Variants in CCR8 observed in about 807,000 individuals in gnomAD.
CCR8 encodes C-C motif chemokine receptor 8, also known as C-C chemokine receptor type 8.
For missense variants in CCR8, 358 were observed against 417.5 expected, an observed-to-expected ratio of 0.86 and a Z score of 1.24; for synonymous variants, 156 against 165.7, an observed-to-expected ratio of 0.94 and a Z score of 0.45.
Position 39,333,285 on chromosome 3 carries a change from T to C in CCR8, c.954T>C (p.Ser318=). 2.5e-6 allele frequency: 4 copies of C among 1,614,134 alleles called. No individual in the cohort carries two copies. The highest frequency in any genetic ancestry group is 3.4e-6 in the Non-Finnish European group (4 of 1,180,000). The part of the protein sequence containing the change: ...KKHLSEIFQK[S]CSQIFNYLGR... ...ACCTCTCAGAAATATTTCAGAAAAG[T>C]TGCAGCCAAATCTTCAACTACCTAG... The change falls in exon 2 of 2, where the codon AGT becomes AGC. Residue 318 remains serine, a synonymous_variant. Transcript: ENST00000326306.
chr3:39,333,632 G>T lies in CCR8; in HGVS notation c.*233G>T. The T allele has an allele frequency of 1.9e-6, 1 of 514,862 alleles. No individual in the cohort carries two copies. Among genetic ancestry groups the T allele is most frequent in the Non-Finnish European group, 3.5e-6 (1 of 283,782 alleles). 31.9% of individuals were successfully genotyped at this position (514,862 alleles called of 1,614,324 possible). A position where few individuals can be genotyped will look rare whatever the true frequency, so the allele number is the denominator to read the frequency against. ...TGTTGAACAAGTGGTAACTTTAAAG[G>T]ATTCTGTATGCCAAGTGAAAAAAAA... On this transcript the variant is annotated 3_prime_UTR_variant, in exon 2 of 2. Coordinates refer to ENST00000326306, the MANE Select transcript of CCR8 (RefSeq NM_005201.4).
At chr3:39,331,669 T>C (rs528819548) in intron 1 of CCR8, among the ~76,000 whole-genome samples, 172 of 151,854 alleles carry the variant, frequency 1.1e-3, no homozygotes, top group African/African-American at 4.0e-3. Flanking sequence ...GGTTTTGCAC[T>C]GTTGGCCAGG....
Position 39,332,910 on chromosome 3 carries a change from G to C in CCR8, c.579G>C (p.Lys193Asn), listed in dbSNP as rs1213930066. ...CYSFYNQQTL[K>N]WKIFTNFKMN... ...CATTTTACAATCAACAGACTTTGAA[G>C]TGGAAGATCTTCACCAACTTCAAAA... The change falls in exon 2 of 2, where the codon AAG (lysine) becomes AAC (asparagine). Residue 193 changes from lysine (K) to asparagine (N), a missense_variant. Lys to Asn is a moderately conservative substitution (Grantham distance 94). Coordinates refer to ENST00000326306, the MANE Select transcript of CCR8 (RefSeq NM_005201.4). 1 of 1,614,122 alleles carries C rather than the reference G, an allele frequency of 6.2e-7. No individual in the cohort carries two copies.
At chr3:39,331,370 C>G (rs1417331986) in intron 1 of CCR8, among the ~76,000 whole-genome samples, 1 of 152,204 alleles carries the variant, frequency 6.6e-6, no homozygotes, top group Non-Finnish European at 1.5e-5. Context: ...ATGGTCTTTA[C>G]TCCATGCACA....
At chr3:39,331,694 C>T (rs2041256820) in intron 1 of CCR8, among the ~76,000 whole-genome samples, 1 of 151,200 alleles carries the variant, frequency 6.6e-6, no homozygotes, top group Admixed American at 6.6e-5. Flanking sequence ...TCTCGAACTC[C>T]TGGCCTCAAG....
rs2041273205 is a variant in CCR8 at position 39,333,514 on chromosome 3, A to G, written c.*115A>G. ...AAAAGTTCAGCATGAAGGATGCCAT[A>G]TATGTTGTTGCCAACACTTGGAACA... On this transcript the variant is annotated 3_prime_UTR_variant, in exon 2 of 2. Transcript: ENST00000326306. The G allele has an allele frequency of 1.4e-6, 1 of 726,678 alleles. No individual in the cohort carries two copies. Among genetic ancestry groups the G allele is most frequent in the African/African-American group, 1.8e-5 (1 of 55,940 alleles). 45.0% of individuals were successfully genotyped at this position (726,678 alleles called of 1,614,324 possible).
rs146112467 is a variant in CCR8 at position 39,330,202 on chromosome 3, T to C, written c.-15+373T>C. Among the ~76,000 whole-genome samples, 317 of 152,272 alleles carry C rather than the reference T, an allele frequency of 2.1e-3. 1 individual carries two copies. The highest frequency in any genetic ancestry group is 3.2e-3 in the Non-Finnish European group (219 of 68,022). On this transcript the variant is annotated intron_variant, in intron 1 of 1. Coordinates refer to ENST00000326306, the MANE Select transcript of CCR8 (RefSeq NM_005201.4). ...ACTGAAGGACACCTGGGTGCTGTTC[T>C]TAAGGAAAGAAGCCAGCGAGCAAAC...
Position 39,332,435 on chromosome 3 carries a change from A to T in CCR8, c.104A>T (p.Lys35Met). The change falls in exon 2 of 2, where the codon AAG becomes ATG. Residue 35 changes from lysine to methionine, a missense_variant. By Grantham distance (95) the Lys-to-Met change is moderately conservative. Transcript: ENST00000326306. ...GCGGAACTTATTCAGACAAATGGCA[A>T]GTTGCTCCTTGCTGTCTTTTATTGC... ...CDAELIQTNG[K>M]LLLAVFYCLL... The T allele has an allele frequency of 6.2e-7, 1 of 1,614,050 alleles. No individual in the cohort carries two copies.
In CCR8 at chr3:39,333,333, C is replaced by T. The variant is rs748405129; in HGVS notation, c.1002C>T (p.Ser334=). 6.2e-6 allele frequency: 10 copies of T among 1,614,014 alleles called. No homozygotes were observed. Among genetic ancestry groups the T allele is most frequent in the Non-Finnish European group, 7.6e-6 (9 of 1,179,960 alleles). The change falls in exon 2 of 2, where the codon AGC becomes AGT. Residue 334 remains serine (S), a synonymous_variant. Transcript: ENST00000326306. ...TAGGAAGACAAATGCCTAGGGAGAGCTGTGAAAAGTCATCATCCTGCCAGC... is the reference window on the plus strand; with the variant it reads ...TAGGAAGACAAATGCCTAGGGAGAGTTGTGAAAAGTCATCATCCTGCCAGC... ...NYLGRQMPRE[S]CEKSSSCQQH...
At chr3:39,330,358 C>A (rs577964974) in intron 1 of CCR8, among the ~76,000 whole-genome samples, 1 of 152,148 alleles carries the variant, frequency 6.6e-6, no homozygotes, top group Non-Finnish European at 1.5e-5. Context: ...AACTACTGTA[C>A]TCCAGCTTGG....
At chr3:39,330,528 T>G (rs1245120466) in intron 1 of CCR8, among the ~76,000 whole-genome samples, 1 of 152,240 alleles carries the variant, frequency 6.6e-6, no homozygotes, top group Non-Finnish European at 1.5e-5. Context: ...TTGCATTGAA[T>G]GTATATATCA....
Position 39,333,604 on chromosome 3 carries a change from T to A in CCR8, c.*205T>A, listed in dbSNP as rs552601424. On this transcript the variant is annotated 3_prime_UTR_variant, in exon 2 of 2. Coordinates refer to ENST00000326306, the MANE Select transcript of CCR8 (RefSeq NM_005201.4). Reference sequence around the variant, plus strand: ...TCAAGCCTGTGATTGTGTTTATTGATGATGTTGAACAAGTGGTAACTTTAA... The same window carrying A: ...TCAAGCCTGTGATTGTGTTTATTGAAGATGTTGAACAAGTGGTAACTTTAA... 28 of 574,190 alleles carry A rather than the reference T, an allele frequency of 4.9e-5. No individual in the cohort carries two copies. The South Asian group carries it at 6.5e-4, about 13-fold the overall frequency. The allele number at this position is 574,190 out of a possible 1,614,324, so 35.6% of individuals were successfully genotyped here.
chr3:39,332,197 G>T lies in CCR8; in HGVS notation c.-14-121G>T, dbSNP rs2041261317. The T allele has an allele frequency of 2.2e-5, 14 of 634,562 alleles. No homozygotes were observed. In the South Asian group the frequency reaches 2.7e-4, roughly 12 times the overall value. The allele number at this position is 634,562 out of a possible 1,614,324, so 39.3% of individuals were successfully genotyped here. On this transcript the variant is annotated intron_variant, in intron 1 of 1. Coordinates refer to ENST00000326306, the MANE Select transcript of CCR8 (RefSeq NM_005201.4). ...CCAAATAGTCACACCCACACCGGAG[G>T]TTGAGCACTTCAACACATGAATTTG...
intron 1 of CCR8, among the ~76,000 whole-genome samples, chr3:39,331,738 G>A (rs1222211757): frequency 2.7e-5 from 4 of 146,334 alleles, no homozygotes; most frequent in African/African-American, 7.7e-5. Context: ...AAAGTGCTGG[G>A]ATTACAGGTG....
In CCR8 at chr3:39,333,392, T is replaced by C; in HGVS notation, c.1061T>C (p.Ile354Thr). The part of the protein sequence containing the change: ...HSSRSSSVDY[I>T]L ...TCCCGTTCCTCCAGCGTAGACTACATTTTGTGAGGATCAATGAAGACTAAA... is the reference window on the plus strand; with the variant it reads ...TCCCGTTCCTCCAGCGTAGACTACACTTTGTGAGGATCAATGAAGACTAAA... The change falls in exon 2 of 2, where the codon ATT becomes ACT. Residue 354 changes from isoleucine (I) to threonine (T), a missense_variant. Transcript: ENST00000326306. 1 of 1,608,092 alleles carries C rather than the reference T, an allele frequency of 6.2e-7. No individual in the cohort carries two copies. Among genetic ancestry groups the C allele is most frequent in the South Asian group, 1.1e-5 (1 of 90,382 alleles).
Position 39,330,653 on chromosome 3 carries a change from TC to T in CCR8, c.-15+825del, listed in dbSNP as rs527294686. 4.1e-3 allele frequency among the ~76,000 whole-genome samples: 629 copies of T among 152,326 alleles called. 3 individuals carry two copies. Among genetic ancestry groups the T allele is most frequent in the Non-Finnish European group, 7.1e-3 (486 of 68,030 alleles). ...TTGCTAGTATAATTGGGATCATTTT[TC>T]TATTGCATTTATAAAGTTATTTTTT... On this transcript the variant is annotated intron_variant, in intron 1 of 1. Coordinates refer to ENST00000326306, the MANE Select transcript of CCR8 (RefSeq NM_005201.4).
intron 1 of CCR8, 93 bp from the exon 2 acceptor site, chr3:39,332,225 G>C (rs1401248587): frequency 1.4e-6 from 1 of 720,756 alleles, no homozygotes; most frequent in Non-Finnish European, 2.3e-6. Context: ...TGAATTTGGG[G>C]AGGACACAGT....
rs141922381 is a variant in CCR8 at position 39,333,159 on chromosome 3, A to G, written c.828A>G (p.Gln276=). Residue 276 remains glutamine (Q), a synonymous_variant, in exon 2 of 2, where the codon CAA becomes CAG. Coordinates refer to ENST00000326306, the MANE Select transcript of CCR8 (RefSeq NM_005201.4). ...TCTTGGATGGATGTAGCATAAGCCA[A>G]CAGCTGACTTATGCCACCCATGTCA... is the stretch of plus-strand genomic sequence containing the variant. ...MHILDGCSIS[Q]QLTYATHVTE... is the part of the protein sequence containing the mutation. 339 of 1,613,972 alleles carry G rather than the reference A, an allele frequency of 2.1e-4. No homozygotes were observed. Among genetic ancestry groups the G allele is most frequent in the Non-Finnish European group, 2.6e-4 (311 of 1,179,886 alleles).
In CCR8 at chr3:39,333,628, A is replaced by G. The variant is rs2041273915; in HGVS notation, c.*229A>G. ...ATGATGTTGAACAAGTGGTAACTTTAAAGGATTCTGTATGCCAAGTGAAAA... is the reference window on the plus strand; with the variant it reads ...ATGATGTTGAACAAGTGGTAACTTTGAAGGATTCTGTATGCCAAGTGAAAA... On this transcript the variant is annotated 3_prime_UTR_variant, in exon 2 of 2. Coordinates refer to ENST00000326306, the MANE Select transcript of CCR8 (RefSeq NM_005201.4). The G allele has an allele frequency of 5.6e-6, 3 of 533,842 alleles. No homozygotes were observed. The highest frequency in any genetic ancestry group is 6.8e-6 in the Non-Finnish European group (2 of 294,796). The allele number at this position is 533,842 out of a possible 1,614,324, so 33.1% of individuals were successfully genotyped here.
Sources: allele counts gnomAD v4.1 joint callset (sites outside exome capture counted in the v4.1 genomes callset), GRCh38; gene constraint gnomAD v4.1.1; transcripts MANE v1.5; gene names NCBI Gene and HGNC (gene_info 2026-07-23, HGNC 2026-07-21).